RAP1GDS1: variants seen among roughly 807,000 people sequenced by gnomAD.
RAP1GDS1 encodes the protein Rap1 GTPase-GDP dissociation stimulator 1.
In RAP1GDS1, 35 loss-of-function variants were observed where a neutral mutation model predicts 71.1. That is an observed-to-expected ratio of 0.49 (90% confidence interval 0.38 to 0.65). The LOEUF is 0.65. Ranked by LOEUF, RAP1GDS1 falls within the 30% of genes least tolerant of loss-of-function variation. The pLI is 0.00. For missense variants in RAP1GDS1, 663 were observed against 706.1 expected (o/e 0.94, Z 0.69); for synonymous variants, 229 against 243.1 (o/e 0.94, Z 0.54).
intron 2 of RAP1GDS1, among the ~76,000 whole-genome samples, chr4:98,313,283 T>C (rs753577193): frequency 6.6e-6 from 1 of 152,088 alleles, no homozygotes; most frequent in Non-Finnish European, 1.5e-5. Flanking sequence ...TAGGGCACAA[T>C]GTCCCACATA....
chr4:98,310,394 A>G (rs977664716), intron 2 of RAP1GDS1, among the ~76,000 whole-genome samples: 6 of 152,148 alleles, frequency 3.9e-5, no homozygotes, highest in East Asian at 3.8e-4. Context: ...TATGTTCAGT[A>G]CCTAGTGGGA....
intron 7 of RAP1GDS1, among the ~76,000 whole-genome samples, chr4:98,415,605 A>AC (rs747161466): frequency 3.2e-4 from 49 of 152,300 alleles, no homozygotes; most frequent in Admixed American, 5.9e-4. Flanking sequence ...TCTTCAGTGA[A>AC]ATAAGTGTTA....
intron 4 of RAP1GDS1, among the ~76,000 whole-genome samples, chr4:98,374,089 G>C (rs989943412): frequency 1.3e-5 from 2 of 152,026 alleles, no homozygotes; most frequent in Non-Finnish European, 2.9e-5. Context: ...GTAACAAACT[G>C]CAGAAAGTAA....
rs186111983 is a variant in RAP1GDS1 at position 98,327,342 on chromosome 4, A to G, written c.113-15797A>G. Among the ~76,000 whole-genome samples the G allele has an allele frequency of 2.8e-3, 429 of 152,348 alleles. 1 individual carries two copies. The highest frequency in any genetic ancestry group is 4.3e-3 in the Non-Finnish European group (295 of 68,026). The stretch of plus-strand genomic sequence containing the variant: ...AATAGAAAAAAATGAGAAGGATTAC[A>G]TAATTGTTTTGAGATAATTATCCTT... On this transcript the variant is annotated intron_variant, in intron 2 of 14. Transcript: ENST00000408927.
At chr4:98,412,707 G>C (rs1747250020) in intron 7 of RAP1GDS1, among the ~76,000 whole-genome samples, 4 of 152,072 alleles carry the variant, frequency 2.6e-5, no homozygotes, top group Non-Finnish European at 5.9e-5. Flanking sequence ...CTAAATGTCG[G>C]CCCATCTGAG....
chr4:98,322,920 C>T lies in RAP1GDS1; in HGVS notation c.113-20219C>T, dbSNP rs201501680. Among the ~76,000 whole-genome samples the T allele has an allele frequency of 1.4e-4, 16 of 114,612 alleles. No homozygotes were observed. The East Asian group carries it at 3.5e-3, about 25-fold the overall frequency. 75.2% of individuals were successfully genotyped at this position (114,612 alleles called of 152,430 possible). A position where few individuals can be genotyped will look rare whatever the true frequency, so the allele number is the denominator to read the frequency against. ...GCAGAAGGCAAGAAATAACTAAAAT[C>T]AGAGCAGAACTGAAGTGAAATAGAG... is the stretch of plus-strand genomic sequence containing the variant. On this transcript the variant is annotated intron_variant, in intron 2 of 14. Transcript: ENST00000408927.
intron 4 of RAP1GDS1, among the ~76,000 whole-genome samples, chr4:98,365,702 T>C (rs892820304): frequency 3.9e-5 from 6 of 152,232 alleles, no homozygotes; most frequent in African/African-American, 1.4e-4. Context: ...AAGGAATTTA[T>C]ACACATCTAA....
intron 2 of RAP1GDS1, among the ~76,000 whole-genome samples, chr4:98,306,888 T>G (rs1029119246): frequency 1.3e-5 from 2 of 152,140 alleles, no homozygotes; most frequent in African/African-American, 4.8e-5. Flanking sequence ...TTTCAGATTT[T>G]CTGAATACCC....
chr4:98,273,728 A>G (rs1392179201), intron 1 of RAP1GDS1, among the ~76,000 whole-genome samples: 7 of 152,174 alleles, frequency 4.6e-5, no homozygotes, highest in Non-Finnish European at 4.4e-5. Flanking sequence ...GGAAGGCACT[A>G]ATAGAATTCT....
chr4:98,424,946 A>G (rs535709927), intron 12 of RAP1GDS1, among the ~76,000 whole-genome samples: 2 of 152,334 alleles, frequency 1.3e-5, no homozygotes, highest in South Asian at 2.1e-4. Flanking sequence ...CAGGTTATCT[A>G]AAGTTAAGAC....
chr4:98,275,206 A>T (rs1229428308), intron 1 of RAP1GDS1, among the ~76,000 whole-genome samples: 1 of 152,186 alleles, frequency 6.6e-6, no homozygotes, highest in East Asian at 1.9e-4. Flanking sequence ...TAACTCGATA[A>T]CAAAACAATT....
At chr4:98,317,846 C>CTTT (rs10690106) in intron 2 of RAP1GDS1, among the ~76,000 whole-genome samples, 4 of 139,056 alleles carry the variant, frequency 2.9e-5, no homozygotes, top group Middle Eastern at 3.6e-3. Flanking sequence ...CTTTTCTTCT[C>CTTT]TTTTTTTTTT....
At chr4:98,294,354 G>GT (rs553481206) in intron 2 of RAP1GDS1, among the ~76,000 whole-genome samples, 13 of 151,792 alleles carry the variant, frequency 8.6e-5, no homozygotes, top group East Asian at 1.9e-4. Flanking sequence ...ATTGATATAT[G>GT]TTTTTTTTAT....
chr4:98,441,402 T>C (rs1481260705), intron 14 of RAP1GDS1: 1 of 984,816 alleles, frequency 1.0e-6, no homozygotes, highest in African/African-American at 1.7e-5. Flanking sequence ...TGTTGAAGGA[T>C]ATGAAGTATA....
At chr4:98,306,552 A>G (rs1001187751) in intron 2 of RAP1GDS1, among the ~76,000 whole-genome samples, 1 of 152,216 alleles carries the variant, frequency 6.6e-6, no homozygotes, top group Non-Finnish European at 1.5e-5. Context: ...CTATGTCCTG[A>G]ATGTGTTCAA....
At chr4:98,393,249 T>C (rs1157177977) in intron 6 of RAP1GDS1, among the ~76,000 whole-genome samples, 1 of 152,204 alleles carries the variant, frequency 6.6e-6, no homozygotes, top group Admixed American at 6.5e-5. Context: ...TATTTTGTCT[T>C]CCAAGCAAAG....
chr4:98,438,567 CAT>C (rs36034058), intron 14 of RAP1GDS1, among the ~76,000 whole-genome samples: 25,052 of 104,420 alleles, frequency 0.24, 3,852 homozygotes, highest in African/African-American at 0.41. Context: ...TTTATTCTTC[CAT>C]ATATATATAT....
At chr4:98,420,268 T>C in intron 11 of RAP1GDS1, 124 bp downstream of exon 11, 1 of 998,110 alleles carries the variant, frequency 1.0e-6, no homozygotes, top group Non-Finnish European at 1.3e-6. Context: ...AAATAAAAGA[T>C]TTAAAAGTTG....
chr4:98,371,271 C>T (rs1055446041), intron 4 of RAP1GDS1, among the ~76,000 whole-genome samples: 1 of 151,652 alleles, frequency 6.6e-6, no homozygotes, highest in African/African-American at 2.4e-5. Flanking sequence ...TACCACCATC[C>T]CCAGCTAATT....
Sources: gnomAD v4.1 joint callset for allele counts (sites outside exome capture counted in the v4.1 genomes callset) on GRCh38, gnomAD v4.1.1 for gene constraint, MANE v1.5 for transcripts, NCBI Gene and HGNC (gene_info 2026-07-23, HGNC 2026-07-21) for gene names.